The following PUM3 variants were observed in gnomAD, a reference collection of about 807,000 sequenced individuals.
PUM3 encodes pumilio homolog 3.
A neutral mutation model predicts 84.0 loss-of-function variants in PUM3; 91 were observed. That is an observed-to-expected ratio of 1.08 (90% confidence interval 0.91 to 1.29). The LOEUF (loss-of-function observed/expected upper bound fraction) is 1.29. PUM3 is among the 50% of genes most tolerant of loss of function. PUM3 has a pLI of 0.00. For missense variants in PUM3, 1,067 were observed against 767.5 expected (o/e 1.39, Z -4.61); for synonymous variants, 321 against 266.7 (o/e 1.20, Z -1.98).
At chr9:2,807,224 G>A (rs1821276449) in intron 17 of PUM3, among the ~76,000 whole-genome samples, 1 of 149,188 alleles carries the variant, frequency 6.7e-6, no homozygotes, top group Admixed American at 6.7e-5. Flanking sequence ...AAAAAATTAT[G>A]TTTTGGTCAA....
At chr9:2,843,009 C>T (rs1326799446) in intron 1 of PUM3, among the ~76,000 whole-genome samples, 2 of 152,138 alleles carry the variant, frequency 1.3e-5, no homozygotes. Flanking sequence ...TACGTCACCA[C>T]CCTAATGCAA....
At chr9:2,831,078 C>G (rs753499380) in intron 6 of PUM3, 50 bp from the exon 7 acceptor site, 86 of 1,097,030 alleles carry the variant, frequency 7.8e-5, no homozygotes, top group Non-Finnish European at 5.4e-6. Flanking sequence ...TTTCAGTTCT[C>G]TGGAAACAAA....
chr9:2,816,145 A>G (rs1196377238), intron 13 of PUM3, among the ~76,000 whole-genome samples: 1 of 152,242 alleles, frequency 6.6e-6, no homozygotes, highest in Non-Finnish European at 1.5e-5. Flanking sequence ...GTCCACTCTT[A>G]CGGTAGTTTG....
chr9:2,811,355 C>T lies in PUM3; in HGVS notation c.1635+6G>A. The T allele has an allele frequency of 1.2e-6, 2 of 1,613,474 alleles. No individual in the cohort carries two copies. The highest frequency in any genetic ancestry group is 1.7e-6 in the Non-Finnish European group (2 of 1,179,788). On this transcript the variant is annotated splice_donor_region_variant and intron_variant, in intron 15 of 17. Coordinates refer to ENST00000397885, the MANE Select transcript of PUM3 (RefSeq NM_014878.5). ...CTTTCCTGCCTGTGCTTTAATGGCA[C>T]ATTACCTCTCCGTCCTTGCCACCAG...
Position 2,829,863 on chromosome 9 carries a change from C to T in PUM3, c.763G>A (p.Val255Met), listed in dbSNP as rs146785349. The change falls in exon 8 of 18, where the codon GTG (valine) becomes ATG (methionine). Residue 255 changes from valine to methionine, a missense_variant. Val to Met is a conservative substitution (Grantham distance 21, BLOSUM62 1). Coordinates refer to ENST00000397885, the MANE Select transcript of PUM3 (RefSeq NM_014878.5). ...MLRHAEASAI[V>M]EYAYNDKAIL... ...GCTTTGTCATTGTATGCGTACTCCA[C>T]GATGGCTGATGCTTCCGCATGCCGC... The T allele has an allele frequency of 1.9e-5, 31 of 1,614,000 alleles. No homozygotes were observed. Among genetic ancestry groups the T allele is most frequent in the Middle Eastern group, 1.6e-4 (1 of 6,084 alleles).
At chr9:2,815,145 T>C (rs1215599923) in intron 13 of PUM3, among the ~76,000 whole-genome samples, 2 of 152,226 alleles carry the variant, frequency 1.3e-5, no homozygotes, top group African/African-American at 4.8e-5. Context: ...TCGTATTTAA[T>C]TAAGGCTTTT....
At chr9:2,835,241 C>T (rs1816092628) in intron 3 of PUM3, among the ~76,000 whole-genome samples, 1 of 152,054 alleles carries the variant, frequency 6.6e-6, no homozygotes, top group African/African-American at 2.4e-5. Context: ...AGTGAGACCC[C>T]GTCTCCACAA....
chr9:2,806,116 C>G (rs1030419994), intron 17 of PUM3, among the ~76,000 whole-genome samples: 1 of 152,156 alleles, frequency 6.6e-6, no homozygotes, highest in African/African-American at 2.4e-5. Flanking sequence ...TGAAATCCAC[C>G]TAATGGGAGT....
At chr9:2,824,044 A>ATAGGGT (rs374783967) in intron 11 of PUM3, among the ~76,000 whole-genome samples, 11,738 of 151,502 alleles carry the variant, frequency 0.077, 636 homozygotes, top group African/African-American at 0.14. Flanking sequence ...TGTGTATGTG[A>ATAGGGT]TAGGGTTAGG....
At position 2,810,355 on chromosome 9, in the gene PUM3, T is replaced by C. The variant is rs1305894570; in HGVS notation, c.1712A>G (p.Asn571Ser). 1 of 1,602,634 alleles carries C rather than the reference T, an allele frequency of 6.2e-7. No individual in the cohort carries two copies. The highest frequency in any genetic ancestry group is 2.2e-5 in the East Asian group (1 of 44,800). Residue 571 changes from asparagine to serine, a missense_variant, in exon 16 of 18, where the codon AAT becomes AGT. Asn to Ser is a conservative substitution (Grantham distance 46, BLOSUM62 1). Transcript: ENST00000397885. ...ATTTCATAGCCTACCTTCTCTCCCA[T>C]TTTCTTTCATCTTTTTATCTTGCTC... Reference protein sequence around the residue: ...LIEQDKKMKENGREGCFAKTL... With the variant: ...LIEQDKKMKESGREGCFAKTL...
At position 2,829,869 on chromosome 9, in the gene PUM3, C is replaced by T. The variant is rs750186876; in HGVS notation, c.757G>A (p.Ala253Thr). ...RKMLRHAEAS[A>T]IVEYAYNDKA... The stretch of plus-strand genomic sequence containing the variant: ...TCATTGTATGCGTACTCCACGATGG[C>T]TGATGCTTCCGCATGCCGCAGCATC... Residue 253 changes from alanine (A) to threonine (T), a missense_variant, in exon 8 of 18, where the codon GCC becomes ACC. Physicochemically the swap from Ala to Thr is moderately conservative, Grantham distance 58 (BLOSUM62 0). Coordinates refer to ENST00000397885, the MANE Select transcript of PUM3 (RefSeq NM_014878.5). The T allele has an allele frequency of 1.1e-4, 172 of 1,613,952 alleles. No individual in the cohort carries two copies. Among genetic ancestry groups the T allele is most frequent in the Non-Finnish European group, 1.4e-4 (170 of 1,179,918 alleles).
chr9:2,808,733 A>G lies in PUM3; in HGVS notation c.1724-829T>C, dbSNP rs186827869. Among the ~76,000 whole-genome samples the G allele has an allele frequency of 2.5e-4, 38 of 152,326 alleles. 1 individual carries two copies. Among genetic ancestry groups the G allele is most frequent in the Admixed American group, 2.5e-3 (38 of 15,302 alleles). ...AGCTAGTGAGGCAAATTGTTTTCCA[A>G]AGCTGACCACAATAATATCTCCTGT... On this transcript the variant is annotated intron_variant, in intron 16 of 17. Coordinates refer to ENST00000397885, the MANE Select transcript of PUM3 (RefSeq NM_014878.5).
At chr9:2,811,667 C>G in intron 14 of PUM3, 84 bp from the exon 15 acceptor site, 1 of 922,832 alleles carries the variant, frequency 1.1e-6, no homozygotes, top group Non-Finnish European at 1.7e-6. Flanking sequence ...CCTCTAAGAG[C>G]TTATCACAGA....
chr9:2,839,374 ATTCAAGAACT>A (rs1816210040), intron 1 of PUM3, among the ~76,000 whole-genome samples: 1 of 152,236 alleles, frequency 6.6e-6, no homozygotes, highest in Admixed American at 6.5e-5. Context: ...AGAATTGCCC[ATTCAAGAACT>A]AATTTCTCAG....
chr9:2,808,198 T>C (rs1363968378), intron 16 of PUM3, among the ~76,000 whole-genome samples: 1 of 152,232 alleles, frequency 6.6e-6, no homozygotes, highest in Non-Finnish European at 1.5e-5. Context: ...CTGCACTTCT[T>C]TGTATTATTT....
chr9:2,815,546 T>C (rs545715041), intron 13 of PUM3, among the ~76,000 whole-genome samples: 139 of 152,334 alleles, frequency 9.1e-4, no homozygotes, highest in African/African-American at 3.2e-3. Context: ...ACTCTTTGCA[T>C]ATTAATTCCC....
intron 16 of PUM3, 58 bp from the exon 17 acceptor site, chr9:2,807,962 C>G (rs1821295131): frequency 2.9e-6 from 3 of 1,044,420 alleles, no homozygotes; most frequent in Admixed American, 3.6e-5. Context: ...ACTCCCTACC[C>G]CCTTCTCTAC....
chr9:2,842,533 A>G (rs1162858663), intron 1 of PUM3, among the ~76,000 whole-genome samples: 1 of 152,128 alleles, frequency 6.6e-6, no homozygotes, highest in Non-Finnish European at 1.5e-5. Context: ...CCCATCCTTC[A>G]AATTCAGTTT....
chr9:2,830,518 A>G (rs1285490664), intron 7 of PUM3, among the ~76,000 whole-genome samples: 2 of 152,138 alleles, frequency 1.3e-5, no homozygotes, highest in Non-Finnish European at 2.9e-5. Context: ...GTGGCTAATT[A>G]TAAGTTAATT....
Sources: allele counts gnomAD v4.1 joint callset (sites outside exome capture counted in the v4.1 genomes callset), GRCh38; gene constraint gnomAD v4.1.1; transcripts MANE v1.5; gene names NCBI Gene and HGNC (gene_info 2026-07-23, HGNC 2026-07-21).